The following SHISA9 variants were observed in gnomAD, a reference collection of about 807,000 sequenced individuals.
The protein encoded by SHISA9 is protein shisa-9.
A neutral mutation model predicts 38.0 loss-of-function variants in SHISA9; 13 were observed. That is an observed-to-expected ratio of 0.34 (90% confidence interval 0.22 to 0.54). The LOEUF is 0.54. Ranked by LOEUF, SHISA9 falls within the 20% of genes least tolerant of loss-of-function variation. SHISA9 has a pLI of 0.91. For missense variants in SHISA9, 538 were observed against 575.8 expected, an observed-to-expected ratio of 0.93 and a Z score of 0.67; for synonymous variants, 275 against 242.0, an observed-to-expected ratio of 1.14 and a Z score of -1.27.
the SHISA9 span, among the ~76,000 whole-genome samples, chr16:13,330,432 T>TTTAA: frequency 1.3e-5 from 2 of 152,172 alleles, no homozygotes; most frequent in African/African-American, 2.4e-5. Flanking sequence ...CAGTGAAAAT[T>TTTAA]AAGTCCCTCC....
chr16:13,271,463 T>G, the SHISA9 span, among the ~76,000 whole-genome samples: 2 of 152,148 alleles, frequency 1.3e-5, no homozygotes, highest in African/African-American at 4.8e-5. Flanking sequence ...AGTGCTGTTA[T>G]GAATATCCAT....
the SHISA9 span, among the ~76,000 whole-genome samples, chr16:13,275,747 A>G: frequency 1.3e-5 from 2 of 151,924 alleles, no homozygotes; most frequent in African/African-American, 2.4e-5. Flanking sequence ...TTAATAGAAA[A>G]TTTAATTTCT....
At chr16:13,380,210 T>G in the SHISA9 span, among the ~76,000 whole-genome samples, 1 of 150,826 alleles carries the variant, frequency 6.6e-6, no homozygotes, top group African/African-American at 2.4e-5. Flanking sequence ...AAAGAAAAAA[T>G]AAAAGAAAAA....
chr16:13,089,102 G>A (rs971301858), intron 2 of SHISA9, among the ~76,000 whole-genome samples: 21 of 152,216 alleles, frequency 1.4e-4, no homozygotes, highest in Admixed American at 7.9e-4. Flanking sequence ...TTGATATGAT[G>A]GATTACGTTT....
intron 3 of SHISA9, among the ~76,000 whole-genome samples, chr16:13,208,714 T>G (rs750511006): frequency 2.7e-4 from 41 of 152,216 alleles, no homozygotes; most frequent in Non-Finnish European, 5.0e-4. Flanking sequence ...CCAGAAGGGA[T>G]GATGACTTTG....
intron 3 of SHISA9, among the ~76,000 whole-genome samples, chr16:13,204,460 A>G (rs971010824): frequency 1.8e-4 from 27 of 152,104 alleles, no homozygotes; most frequent in African/African-American, 6.0e-4. Flanking sequence ...TACCATCTCC[A>G]TCTACCCTAG....
intron 2 of SHISA9, among the ~76,000 whole-genome samples, chr16:13,008,015 G>A (rs1196643167): frequency 6.6e-6 from 1 of 152,152 alleles, no homozygotes; most frequent in Non-Finnish European, 1.5e-5. Flanking sequence ...AAGCCTCTGT[G>A]ACTCTCTTCC....
chr16:13,324,575 G>T, the SHISA9 span, among the ~76,000 whole-genome samples: 1 of 151,946 alleles, frequency 6.6e-6, no homozygotes, highest in African/African-American at 2.4e-5. Flanking sequence ...TTCAATCTAG[G>T]CATCCTCAAA....
chr16:13,061,038 A>T (rs150278627), intron 2 of SHISA9, among the ~76,000 whole-genome samples: 5 of 152,256 alleles, frequency 3.3e-5, no homozygotes, highest in African/African-American at 1.2e-4. Context: ...TTGTGGTCCC[A>T]ATGCTCCTGT....
chr16:13,211,602 A>C lies in SHISA9; in HGVS notation c.848-1651A>C, dbSNP rs531141253. Among the ~76,000 whole-genome samples, 187 of 152,316 alleles carry C rather than the reference A, an allele frequency of 1.2e-3. 1 individual carries two copies. Among genetic ancestry groups the C allele is most frequent in the African/African-American group, 4.3e-3 (180 of 41,568 alleles). On this transcript the variant is annotated intron_variant, in intron 3 of 4. Coordinates refer to ENST00000558583, the MANE Select transcript of SHISA9 (RefSeq NM_001145204.3). ...TTTTTCACCCTCAAAGTATTTTTCTAATGTCCATGAGTGTGACCAAGTACA... is the reference window on the plus strand; with the variant it reads ...TTTTTCACCCTCAAAGTATTTTTCTCATGTCCATGAGTGTGACCAAGTACA...
the SHISA9 span, among the ~76,000 whole-genome samples, chr16:13,523,717 A>G: frequency 6.6e-6 from 1 of 152,204 alleles, no homozygotes; most frequent in Admixed American, 6.5e-5. Context: ...TAAGCCATTT[A>G]TGAGAAACCA....
the SHISA9 span, among the ~76,000 whole-genome samples, chr16:13,364,773 T>A: frequency 6.6e-6 from 1 of 152,202 alleles, no homozygotes; most frequent in East Asian, 1.9e-4. Flanking sequence ...TGAATGACAG[T>A]TATAATAAAA....
the SHISA9 span, among the ~76,000 whole-genome samples, chr16:13,334,773 C>CAAAA: frequency 1.7e-3 from 163 of 97,624 alleles, 1 homozygote; most frequent in African/African-American, 6.0e-3. Flanking sequence ...GACTCCATCT[C>CAAAA]AAAAAAAAAA....
At chr16:13,128,683 T>C (rs1316541428) in intron 2 of SHISA9, among the ~76,000 whole-genome samples, 2 of 152,162 alleles carry the variant, frequency 1.3e-5, no homozygotes, top group African/African-American at 4.8e-5. Flanking sequence ...TTCTATGACT[T>C]TGTGAGTCTA....
In SHISA9 at chr16:13,077,030, G is replaced by C. The variant is rs570371822; in HGVS notation, c.692-126364G>C. ...CAAAATCCCACGGAGGCTGGAGAGA[G>C]CAAAAGGGCTTACTCACTGGAAAGA... On this transcript the variant is annotated intron_variant, in intron 2 of 4. Coordinates refer to ENST00000558583, the MANE Select transcript of SHISA9 (RefSeq NM_001145204.3). 3.9e-5 allele frequency among the ~76,000 whole-genome samples: 6 copies of C among 152,290 alleles called. No homozygotes were observed. In the East Asian group the frequency reaches 1.2e-3, roughly 29 times the overall value.
chr16:13,211,830 G>C (rs1315814663), intron 3 of SHISA9, among the ~76,000 whole-genome samples: 1 of 152,204 alleles, frequency 6.6e-6, no homozygotes, highest in East Asian at 1.9e-4. Context: ...GGCTTCCCTG[G>C]AGTCAGCGAC....
At chr16:12,959,982 G>A (rs2071887868) in intron 2 of SHISA9, among the ~76,000 whole-genome samples, 1 of 152,194 alleles carries the variant, frequency 6.6e-6, no homozygotes, top group African/African-American at 2.4e-5. Context: ...TTTCCTTCAG[G>A]AATAGGAATT....
chr16:13,068,077 C>T (rs2141918201), intron 2 of SHISA9, among the ~76,000 whole-genome samples: 1 of 152,322 alleles, frequency 6.6e-6, no homozygotes, highest in Admixed American at 6.5e-5. Context: ...CACATATGCT[C>T]TGAGATCAGG....
chr16:12,967,650 A>G (rs2071997330), intron 2 of SHISA9, among the ~76,000 whole-genome samples: 1 of 151,812 alleles, frequency 6.6e-6, no homozygotes, highest in Admixed American at 6.6e-5. Context: ...TGATTTTGTT[A>G]ATAAACAGTG....
Sources: gnomAD v4.1 joint callset for allele counts (sites outside exome capture counted in the v4.1 genomes callset) on GRCh38, gnomAD v4.1.1 for gene constraint, MANE v1.5 for transcripts, NCBI Gene and HGNC (gene_info 2026-07-23, HGNC 2026-07-21) for gene names.